Variants in IMMP2L observed in about 807,000 individuals in gnomAD.
The protein encoded by IMMP2L is inner mitochondrial membrane peptidase subunit 2, also known as mitochondrial inner membrane protease subunit 2.
Under a neutral mutation model 19.3 loss-of-function variants are expected in IMMP2L, and 18 were observed. The ratio of observed to expected loss-of-function variants is 0.93; its 90% CI spans 0.64 to 1.38. The LOEUF (loss-of-function observed/expected upper bound fraction) is 1.38, where lower values mean the gene tolerates loss of function less well. Among genes scored for constraint, IMMP2L ranks in the 40% most tolerant of loss-of-function variants. The pLI, the probability that IMMP2L is intolerant of heterozygous loss-of-function variation, is 0.00. For missense variants in IMMP2L, 233 were observed against 218.2 expected, an observed-to-expected ratio of 1.07 and a Z score of -0.43; for synonymous variants, 76 against 73.0, an observed-to-expected ratio of 1.04 and a Z score of -0.21.
At chr7:111,333,921 A>G (rs1826132747) in intron 3 of IMMP2L, among the ~76,000 whole-genome samples, 1 of 152,046 alleles carries the variant, frequency 6.6e-6, no homozygotes, top group Admixed American at 6.6e-5. Context: ...CTTTATATAC[A>G]CATCTAACTT....
At chr7:111,346,668 C>T (rs915520096) in intron 3 of IMMP2L, among the ~76,000 whole-genome samples, 6 of 152,052 alleles carry the variant, frequency 3.9e-5, no homozygotes, top group Non-Finnish European at 5.9e-5. Flanking sequence ...GAGCTTATAG[C>T]TCTGAGGTGA....
chr7:110,665,733 A>T (rs1032432221), intron 5 of IMMP2L, among the ~76,000 whole-genome samples: 6 of 152,236 alleles, frequency 3.9e-5, no homozygotes, highest in African/African-American at 1.4e-4. Context: ...CATTGTTGTG[A>T]TGCCAAGTTT....
chr7:110,879,256 T>G (rs1302248615), intron 5 of IMMP2L, among the ~76,000 whole-genome samples: 1 of 151,936 alleles, frequency 6.6e-6, no homozygotes, highest in Admixed American at 6.6e-5. Context: ...CCTGCTGTGG[T>G]GTGCACCTGT....
intron 3 of IMMP2L, among the ~76,000 whole-genome samples, chr7:111,277,566 TAAA>T (rs34068307): frequency 1.2e-4 from 16 of 136,460 alleles, no homozygotes; most frequent in Non-Finnish European, 1.6e-4. Context: ...TTGTCTCATT[TAAA>T]AAAAAAAAAA....
chr7:111,279,997 A>G (rs1044046895), intron 3 of IMMP2L, among the ~76,000 whole-genome samples: 2 of 152,090 alleles, frequency 1.3e-5, no homozygotes, highest in Non-Finnish European at 2.9e-5. Flanking sequence ...TTGCCTATTC[A>G]AACTATTCTC....
chr7:110,961,342 T>A (rs1818915627), intron 4 of IMMP2L, among the ~76,000 whole-genome samples: 1 of 151,934 alleles, frequency 6.6e-6, no homozygotes, highest in African/African-American at 2.4e-5. Flanking sequence ...AAATTATCTC[T>A]AGGTTACTTA....
chr7:111,394,324 T>A (rs756336929), intron 3 of IMMP2L, among the ~76,000 whole-genome samples: 33 of 152,150 alleles, frequency 2.2e-4, no homozygotes, highest in Non-Finnish European at 4.3e-4. Flanking sequence ...AAATGTAGTA[T>A]AACAGATTTT....
intron 1 of IMMP2L, among the ~76,000 whole-genome samples, chr7:111,538,844 G>C (rs1226503828): frequency 1.4e-5 from 2 of 148,022 alleles, no homozygotes; most frequent in Non-Finnish European, 3.0e-5. Flanking sequence ...AAAAAGGCTG[G>C]GCACAGTGGC....
At chr7:110,717,001 A>G (rs995803164) in intron 5 of IMMP2L, among the ~76,000 whole-genome samples, 4 of 152,198 alleles carry the variant, frequency 2.6e-5, no homozygotes, top group Admixed American at 6.5e-5. Context: ...TCTGGAATGA[A>G]GAAATATCTG....
chr7:110,987,026 C>T (rs1260437201), intron 3 of IMMP2L, among the ~76,000 whole-genome samples: 1 of 151,764 alleles, frequency 6.6e-6, no homozygotes, highest in Non-Finnish European at 1.5e-5. Context: ...TACTGATGGA[C>T]AATAGTAGAG....
chr7:111,362,713 G>A (rs1266715988), intron 3 of IMMP2L, among the ~76,000 whole-genome samples: 1 of 151,996 alleles, frequency 6.6e-6, no homozygotes, highest in African/African-American at 2.4e-5. Flanking sequence ...CTTGAGTTTA[G>A]GTCATTCACT....
intron 5 of IMMP2L, among the ~76,000 whole-genome samples, chr7:110,706,949 G>T (rs1365861162): frequency 6.7e-6 from 1 of 149,292 alleles, no homozygotes; most frequent in Non-Finnish European, 1.5e-5. Context: ...TGTTTCCTTG[G>T]CTTTCTTCTA....
intron 3 of IMMP2L, among the ~76,000 whole-genome samples, chr7:111,047,016 G>A (rs1262568055): frequency 2.0e-5 from 3 of 152,052 alleles, no homozygotes; most frequent in Non-Finnish European, 1.5e-5. Flanking sequence ...TATCTCCTTT[G>A]CTACTTTCAT....
chr7:110,743,821 C>T (rs1007283034), intron 5 of IMMP2L, among the ~76,000 whole-genome samples: 1 of 152,096 alleles, frequency 6.6e-6, no homozygotes, highest in Admixed American at 6.5e-5. Context: ...CAGCCCAAAA[C>T]TGGGCGGCCA....
At chr7:111,287,877 T>C (rs767499102) in intron 3 of IMMP2L, among the ~76,000 whole-genome samples, 4 of 152,104 alleles carry the variant, frequency 2.6e-5, no homozygotes, top group African/African-American at 4.8e-5. Context: ...GAAAGAAATA[T>C]TGGAGTCTAT....
chr7:110,956,687 T>C (rs1818389253), intron 4 of IMMP2L, among the ~76,000 whole-genome samples: 1 of 151,960 alleles, frequency 6.6e-6, no homozygotes. Flanking sequence ...AAAGAGTCCA[T>C]TCCCTTACTT....
chr7:111,215,564 T>C (rs1811845376), intron 3 of IMMP2L, among the ~76,000 whole-genome samples: 1 of 152,090 alleles, frequency 6.6e-6, no homozygotes, highest in African/African-American at 2.4e-5. Flanking sequence ...AGATATACAT[T>C]CTCTCCTTCC....
chr7:111,243,219 G>C (rs1419754545), intron 3 of IMMP2L, among the ~76,000 whole-genome samples: 1 of 151,926 alleles, frequency 6.6e-6, no homozygotes, highest in East Asian at 1.9e-4. Context: ...TTCTGAATGT[G>C]AAGTATTTAT....
intron 3 of IMMP2L, chr7:111,392,939 T>C: frequency 2.4e-6 from 1 of 424,674 alleles, no homozygotes; most frequent in Non-Finnish European, 4.7e-6. Flanking sequence ...CATGTGGATG[T>C]GTTCGCCAAT....
Sources: gnomAD v4.1 joint callset for allele counts (sites outside exome capture counted in the v4.1 genomes callset) on GRCh38, gnomAD v4.1.1 for gene constraint, MANE v1.5 for transcripts, NCBI Gene and HGNC (gene_info 2026-07-23, HGNC 2026-07-21) for gene names.